Variants in NID1 observed in about 807,000 individuals in gnomAD.
NID1 encodes the protein nidogen 1, also known as nidogen-1.
In NID1, 76 loss-of-function variants were observed where a neutral mutation model predicts 130.6. The observed-to-expected ratio is 0.58, with a 90% CI of 0.48 to 0.70. The LOEUF is 0.70. NID1 is among the 30% of genes least tolerant of loss of function. The pLI, the probability that NID1 is intolerant of heterozygous loss-of-function variation, is 0.00. For synonymous variants in NID1, 665 were observed against 675.1 expected (o/e 0.98, Z 0.23); for missense variants, 1,517 against 1,664.8 (o/e 0.91, Z 1.54).
At chr1:236,002,140 A>G (rs1047540415) in intron 12 of NID1, among the ~76,000 whole-genome samples, 21 of 152,164 alleles carry the variant, frequency 1.4e-4, no homozygotes, top group African/African-American at 5.1e-4. Flanking sequence ...TGTGGTCTGG[A>G]CAGGCTGCTA....
chr1:236,046,075 T>C (rs1488496771), intron 2 of NID1, among the ~76,000 whole-genome samples: 2 of 152,210 alleles, frequency 1.3e-5, no homozygotes, highest in African/African-American at 2.4e-5. Context: ...CAAACATTTA[T>C]TGAACCCAAG....
chr1:236,055,306 A>AAATAAT (rs573471764), intron 1 of NID1, among the ~76,000 whole-genome samples: 10 of 151,290 alleles, frequency 6.6e-5, no homozygotes, highest in Admixed American at 2.0e-4. Flanking sequence ...TCCATCTCAA[A>AAATAAT]AATAATAATA....
At position 235,990,910 on chromosome 1, in the gene NID1, T is replaced by C. The variant is rs747425623; in HGVS notation, c.2904A>G (p.Glu968=). Residue 968 remains glutamate (E), a synonymous_variant, in exon 14 of 20, where the codon GAA becomes GAG. Transcript: ENST00000264187. The part of the protein sequence containing the change: ...PLEGNTMRKT[E]AKAFLHVPAK... ...CCGGGACATGAAGGAACGCCTTTGC[T>C]TCTGTCTTCCTCATGGTATTTCCCT... 1 of 1,614,150 alleles carries C rather than the reference T, an allele frequency of 6.2e-7. No homozygotes were observed. Among genetic ancestry groups the C allele is most frequent in the Admixed American group, 1.7e-5 (1 of 60,018 alleles).
At chr1:235,994,414 A>T (rs572647245) in intron 12 of NID1, among the ~76,000 whole-genome samples, 40 of 152,352 alleles carry the variant, frequency 2.6e-4, no homozygotes, top group African/African-American at 9.4e-4. Flanking sequence ...CGCCTGCCTC[A>T]GCCTCCCAAA....
At chr1:235,990,797 G>T in intron 14 of NID1, 89 bp downstream of exon 14, 1 of 1,452,248 alleles carries the variant, frequency 6.9e-7, no homozygotes, top group South Asian at 1.2e-5. Context: ...CAGGGGTTGA[G>T]CCTGGGGTTC....
At chr1:236,026,216 T>C in intron 7 of NID1, 75 bp from the exon 8 acceptor site, 1 of 1,569,276 alleles carries the variant, frequency 6.4e-7, no homozygotes, top group South Asian at 1.2e-5. Flanking sequence ...AGAAGCTGAA[T>C]CAACGGCTTT....
chr1:236,043,538 C>T (rs894580246), intron 3 of NID1, among the ~76,000 whole-genome samples: 1 of 152,128 alleles, frequency 6.6e-6, no homozygotes, highest in East Asian at 1.9e-4. Context: ...GTGGCTCACA[C>T]CTGTAATCCC....
rs1657411366 is a variant in NID1 at position 235,980,649 on chromosome 1, G to T, written c.3232C>A (p.Leu1078Ile). 1 of 1,611,590 alleles carries T rather than the reference G, an allele frequency of 6.2e-7. No homozygotes were observed. Among genetic ancestry groups the T allele is most frequent in the African/African-American group, 1.3e-5 (1 of 74,806 alleles). Residue 1078 changes from leucine to isoleucine, a missense_variant, in exon 17 of 20, where the codon CTT becomes ATT. By Grantham distance (5) the Leu-to-Ile change is conservative. Transcript: ENST00000264187. ...TCTCTGTTCCAGTCTGTCCAGTAAA[G>T]GTTCCTGGAGGAGGAAAAAGGGGGG... ...GIVTDSVRGNLYWTDWNRDNP... is the reference protein window; with the variant it reads ...GIVTDSVRGNIYWTDWNRDNP...
chr1:236,013,345 A>C lies in NID1; in HGVS notation c.2404+66T>G, dbSNP rs535672392. 5.7e-6 allele frequency: 9 copies of C among 1,567,040 alleles called. No homozygotes were observed. In the Middle Eastern group the frequency reaches 1.1e-3, roughly 186 times the overall value. On this transcript the variant is annotated intron_variant, in intron 11 of 19. Coordinates refer to ENST00000264187, the MANE Select transcript of NID1 (RefSeq NM_002508.3). ...TTGGGAGTGAGTTGGTGATTGGCAC[A>C]TGACAGGTACCACCTAGGAAACTTT...
At chr1:236,045,768 G>T in intron 2 of NID1, 85 bp from the exon 3 acceptor site, 1 of 1,077,388 alleles carries the variant, frequency 9.3e-7, no homozygotes, top group Non-Finnish European at 1.4e-6. Context: ...TCTATAAAGC[G>T]TACAGTGCTA....
intron 14 of NID1, among the ~76,000 whole-genome samples, chr1:235,989,844 A>G (rs1657679074): frequency 6.6e-6 from 1 of 152,220 alleles, no homozygotes; most frequent in South Asian, 2.1e-4. Context: ...TGAGACAGAA[A>G]TGTGCCTGGT....
At chr1:235,991,081 G>T in intron 13 of NID1, 23 bp from the exon 14 acceptor site, 1 of 1,552,484 alleles carries the variant, frequency 6.4e-7, no homozygotes, top group Non-Finnish European at 8.7e-7. Flanking sequence ...GGGGGTCAGT[G>T]AGGGAGGCCC....
At chr1:235,981,873 G>T (rs992936475) in intron 15 of NID1, 91 bp from the exon 16 acceptor site, 30 of 1,206,172 alleles carry the variant, frequency 2.5e-5, no homozygotes, top group Non-Finnish European at 3.5e-5. Context: ...ATTTCACATG[G>T]TGTCCAATCC....
chr1:236,053,923 A>G (rs892114015), intron 1 of NID1, among the ~76,000 whole-genome samples: 1 of 150,982 alleles, frequency 6.6e-6, no homozygotes, highest in African/African-American at 2.5e-5. Flanking sequence ...TAAAATGCCA[A>G]TTACTAAAAT....
At chr1:235,987,340 C>T (rs1054573142) in intron 14 of NID1, among the ~76,000 whole-genome samples, 1 of 152,158 alleles carries the variant, frequency 6.6e-6, no homozygotes, top group Non-Finnish European at 1.5e-5. Flanking sequence ...TTTGGCAAAG[C>T]CTTGTCGAGA....
At chr1:236,048,267 G>A (rs559080075) in intron 2 of NID1, among the ~76,000 whole-genome samples, 2 of 151,780 alleles carry the variant, frequency 1.3e-5, no homozygotes, top group African/African-American at 4.8e-5. Flanking sequence ...CCGGGGAGGC[G>A]AAGCTTGCAG....
chr1:236,004,491 G>A (rs1490790078), intron 12 of NID1, among the ~76,000 whole-genome samples: 1 of 152,152 alleles, frequency 6.6e-6, no homozygotes, highest in East Asian at 1.9e-4. Context: ...AGCCAGGCGC[G>A]GTGGCTCATG....
At chr1:235,982,553 AAC>A (rs1477868968) in intron 15 of NID1, among the ~76,000 whole-genome samples, 8 of 152,206 alleles carry the variant, frequency 5.3e-5, no homozygotes. Flanking sequence ...GATTACAAAT[AAC>A]ACCCCAGTCT....
intron 12 of NID1, among the ~76,000 whole-genome samples, chr1:236,002,784 C>A (rs549493623): frequency 2.0e-5 from 3 of 152,246 alleles, no homozygotes; most frequent in African/African-American, 7.2e-5. Flanking sequence ...GGAAACGAGG[C>A]CATGTGAGAG....
Sources: gnomAD v4.1 joint callset for allele counts (sites outside exome capture counted in the v4.1 genomes callset) on GRCh38, gnomAD v4.1.1 for gene constraint, MANE v1.5 for transcripts, NCBI Gene and HGNC (gene_info 2026-07-23, HGNC 2026-07-21) for gene names.